Variants in CNTN5 observed in about 807,000 individuals in gnomAD.
The protein encoded by CNTN5 is contactin 5.
In CNTN5, 77 loss-of-function variants were observed where a neutral mutation model predicts 129.1. The observed-to-expected ratio is 0.60, with a 90% CI of 0.50 to 0.72. The LOEUF (loss-of-function observed/expected upper bound fraction) is 0.72. Among genes scored for constraint, CNTN5 ranks in the 30% least tolerant of loss-of-function variants. The probability of loss-of-function intolerance (pLI) is 0.00; values close to 1 mark genes in which losing one functional copy is unlikely to be tolerated. For missense variants in CNTN5, 1,478 were observed against 1,328.8 expected (o/e 1.11, Z -1.75); for synonymous variants, 509 against 465.6 (o/e 1.09, Z -1.20).
intron 13 of CNTN5, among the ~76,000 whole-genome samples, chr11:100,178,007 G>A (rs1484479801): frequency 6.6e-6 from 1 of 152,082 alleles, no homozygotes; most frequent in Admixed American, 6.6e-5. Flanking sequence ...CCTGTACAGA[G>A]AAAATAGGTA....
intron 2 of CNTN5, among the ~76,000 whole-genome samples, chr11:99,454,421 A>C (rs1944420660): frequency 6.6e-6 from 1 of 152,004 alleles, no homozygotes; most frequent in South Asian, 2.1e-4. Flanking sequence ...CATAATAGTG[A>C]GTGAGTTCTC....
chr11:99,847,937 G>C (rs1432288976), intron 6 of CNTN5, among the ~76,000 whole-genome samples: 2 of 152,218 alleles, frequency 1.3e-5, no homozygotes, highest in African/African-American at 4.8e-5. Flanking sequence ...CGCAGGCTGG[G>C]CGCGGTGGCT....
intron 16 of CNTN5, among the ~76,000 whole-genome samples, chr11:100,227,247 ATTGTCTTCCTTCCCATGAGAGATAGTC>A (rs1431631715): frequency 2.6e-5 from 4 of 152,064 alleles, no homozygotes; most frequent in Non-Finnish European, 5.9e-5. Flanking sequence ...CAACTTTTTT[ATTGTCTTCCTTCCCATGAGAGATAGTC>A]TATAAAATTA....
intron 1 of CNTN5, among the ~76,000 whole-genome samples, chr11:99,167,399 T>G (rs963845767): frequency 7.2e-5 from 11 of 152,202 alleles, no homozygotes; most frequent in Non-Finnish European, 1.3e-4. Flanking sequence ...TATACAAATA[T>G]TTGCTATTAT....
intron 1 of CNTN5, among the ~76,000 whole-genome samples, chr11:99,238,028 C>A (rs1861366896): frequency 6.6e-6 from 1 of 152,082 alleles, no homozygotes; most frequent in Non-Finnish European, 1.5e-5. Context: ...GCTGCAAATT[C>A]TTTGTAACAT....
chr11:99,195,202 G>A (rs1858841626), intron 1 of CNTN5, among the ~76,000 whole-genome samples: 1 of 151,748 alleles, frequency 6.6e-6, no homozygotes, highest in South Asian at 2.1e-4. Context: ...TATTTTAGCA[G>A]GTAAAAATAT....
chr11:100,273,932 G>C (rs1950454784), intron 18 of CNTN5, among the ~76,000 whole-genome samples: 1 of 152,144 alleles, frequency 6.6e-6, no homozygotes, highest in South Asian at 2.1e-4. Flanking sequence ...TAAGCAAAAA[G>C]AAGAAAGCTG....
intron 1 of CNTN5, among the ~76,000 whole-genome samples, chr11:99,280,718 T>A (rs1863656606): frequency 6.6e-6 from 1 of 151,814 alleles, no homozygotes; most frequent in Non-Finnish European, 1.5e-5. Flanking sequence ...CCCCAAAGAC[T>A]TTTCATATAT....
At chr11:99,443,653 T>A (rs367790854) in intron 2 of CNTN5, among the ~76,000 whole-genome samples, 12 of 152,192 alleles carry the variant, frequency 7.9e-5, no homozygotes, top group African/African-American at 2.9e-4. Flanking sequence ...ATGCAGCATA[T>A]AGAGCTATGC....
chr11:99,661,450 A>G (rs1337731195), intron 3 of CNTN5, among the ~76,000 whole-genome samples: 2 of 152,086 alleles, frequency 1.3e-5, no homozygotes, highest in Non-Finnish European at 2.9e-5. Context: ...ATATTTGTCA[A>G]GAATAAGCAA....
intron 1 of CNTN5, among the ~76,000 whole-genome samples, chr11:99,078,617 G>A (rs993217846): frequency 6.6e-6 from 1 of 152,180 alleles, no homozygotes; most frequent in Admixed American, 6.5e-5. Flanking sequence ...TCACAAAAAG[G>A]TTAACATTCT....
intron 2 of CNTN5, among the ~76,000 whole-genome samples, chr11:99,383,416 A>G (rs1230816453): frequency 6.6e-6 from 1 of 152,238 alleles, no homozygotes; most frequent in African/African-American, 2.4e-5. Context: ...TGTACTACAC[A>G]GAAAATATTG....
intron 8 of CNTN5, among the ~76,000 whole-genome samples, chr11:99,965,731 C>T (rs948680612): frequency 3.3e-5 from 5 of 152,098 alleles, no homozygotes; most frequent in African/African-American, 4.8e-5. Flanking sequence ...CTTTCTGTCT[C>T]GTTGATCTGT....
At chr11:99,311,217 G>T (rs1458917574) in intron 1 of CNTN5, among the ~76,000 whole-genome samples, 2 of 152,026 alleles carry the variant, frequency 1.3e-5, no homozygotes, top group South Asian at 4.1e-4. Context: ...ATGAGCCACC[G>T]CACCCAGCCT....
intron 9 of CNTN5, among the ~76,000 whole-genome samples, chr11:100,049,681 A>G (rs939221508): frequency 2.6e-5 from 4 of 152,206 alleles, no homozygotes; most frequent in Non-Finnish European, 5.9e-5. Flanking sequence ...ATCAGATTGA[A>G]CAGGCAACCT....
At chr11:100,162,919 C>G (rs1258221847) in intron 13 of CNTN5, among the ~76,000 whole-genome samples, 1 of 151,770 alleles carries the variant, frequency 6.6e-6, no homozygotes, top group Admixed American at 6.6e-5. Flanking sequence ...TACCAGATAA[C>G]TCAATTCATT....
chr11:100,160,074 C>T (rs1243702689), intron 13 of CNTN5, among the ~76,000 whole-genome samples: 1 of 151,900 alleles, frequency 6.6e-6, no homozygotes, highest in African/African-American at 2.4e-5. Context: ...CTCCCCTAGC[C>T]CCTCACCCAC....
At chr11:99,481,739 T>C (rs1945609358) in intron 2 of CNTN5, among the ~76,000 whole-genome samples, 2 of 152,164 alleles carry the variant, frequency 1.3e-5, no homozygotes, top group Admixed American at 1.3e-4. Flanking sequence ...ACATTTGGTT[T>C]TCAAGACTCA....
intron 2 of CNTN5, among the ~76,000 whole-genome samples, chr11:99,487,116 A>G (rs1006930948): frequency 2.0e-5 from 3 of 152,232 alleles, no homozygotes; most frequent in Admixed American, 6.5e-5. Context: ...AGTTCTACAT[A>G]GGTTCTGACA....
Sources: allele counts gnomAD v4.1 joint callset (sites outside exome capture counted in the v4.1 genomes callset), GRCh38; gene constraint gnomAD v4.1.1; transcripts MANE v1.5; gene names NCBI Gene and HGNC (gene_info 2026-07-23, HGNC 2026-07-21).